TAP1: variants seen among roughly 807,000 people sequenced by gnomAD.
TAP1 encodes antigen peptide transporter 1.
Under a neutral mutation model 79.3 loss-of-function variants are expected in TAP1, and 56 were observed. The ratio of observed to expected loss-of-function variants is 0.71; its 90% CI spans 0.57 to 0.88. The LOEUF (loss-of-function observed/expected upper bound fraction) is 0.88. TAP1 is among the 40% of genes least tolerant of loss of function. TAP1 has a pLI of 0.00. For missense variants in TAP1, 737 were observed against 936.3 expected, an observed-to-expected ratio of 0.79 and a Z score of 2.78; for synonymous variants, 355 against 401.4, an observed-to-expected ratio of 0.88 and a Z score of 1.38.
At chr6:32,849,243 T>C (rs1364315634) in intron 5 of TAP1, 125 bp from the exon 6 acceptor site, 16 of 1,200,956 alleles carry the variant, frequency 1.3e-5, no homozygotes, top group Non-Finnish European at 1.8e-5. Flanking sequence ...GCAGGCTCAA[T>C]AGGCAGACAG....
intron 5 of TAP1, chr6:32,849,352 C>T (rs1770643508): frequency 1.6e-6 from 1 of 608,056 alleles, no homozygotes; most frequent in Non-Finnish European, 2.9e-6. Flanking sequence ...GTCTGGGGAG[C>T]ATTTTACTCT....
Position 32,847,015 on chromosome 6 carries a change from T to C in TAP1, c.2040+53A>G. ...GTTAGTAAAACTAACAGAAGATGTA[T>C]AAAAGAAGCAAGATTGGGTGGGATA... is the stretch of plus-strand genomic sequence containing the variant. On this transcript the variant is annotated intron_variant, in intron 10 of 10. Coordinates refer to ENST00000354258, the MANE Select transcript of TAP1 (RefSeq NM_000593.6). This position sits in a 1 kb window ranked among gnomAD's most constrained non-coding sequence, Gnocchi z 4.7. 3 of 1,605,816 alleles carry C rather than the reference T, an allele frequency of 1.9e-6. No individual in the cohort carries two copies. The highest frequency in any genetic ancestry group is 2.7e-5 in the African/African-American group (2 of 75,018).
At chr6:32,849,257 A>G in intron 5 of TAP1, 139 bp from the exon 6 acceptor site, 1 of 1,023,166 alleles carries the variant, frequency 9.8e-7, no homozygotes, top group South Asian at 1.4e-5. Context: ...CAGACAGGAG[A>G]ATGAACCAGA....
rs1385588226 is a variant in TAP1, at chr6:32,850,312, G to C, written c.1248+8C>G. ...CAAGGGAATGGGTATTCATCTTCAG[G>C]TGCTCACACTAGTGGTCCAGGAGTT... On this transcript the variant is annotated splice_region_variant and intron_variant, in intron 5 of 10. Transcript: ENST00000354258. This position sits in a 1 kb window ranked among gnomAD's most constrained non-coding sequence, Gnocchi z 5.5. 6.2e-7 allele frequency: 1 copy of C among 1,613,952 alleles called. No homozygotes were observed. Among genetic ancestry groups the C allele is most frequent in the East Asian group, 2.2e-5 (1 of 44,904 alleles).
rs374692255 is a variant in TAP1 at position 32,847,865 on chromosome 6, A to G, written c.1740+54T>C. 2 of 1,611,920 alleles carry G rather than the reference A, an allele frequency of 1.2e-6. No homozygotes were observed. The highest frequency in any genetic ancestry group is 8.5e-7 in the Non-Finnish European group (1 of 1,178,878). On this transcript the variant is annotated intron_variant, in intron 8 of 10. Coordinates refer to ENST00000354258, the MANE Select transcript of TAP1 (RefSeq NM_000593.6). This position sits in a 1 kb window ranked among gnomAD's most constrained non-coding sequence, Gnocchi z 4.7. ...CCCTCTTTCAGAGTGCTCAGTAAGA[A>G]TGCTCTTCGTATTTGATGCTCCCTG...
In TAP1 at chr6:32,851,680, CT is replaced by C. The variant is rs1466494010; in HGVS notation, c.844+428del. Among the ~76,000 whole-genome samples, 1 of 152,182 alleles carries C rather than the reference CT, an allele frequency of 6.6e-6. No individual in the cohort carries two copies. Among genetic ancestry groups the C allele is most frequent in the African/African-American group, 2.4e-5 (1 of 41,434 alleles). On this transcript the variant is annotated intron_variant, in intron 3 of 10. Coordinates refer to ENST00000354258, the MANE Select transcript of TAP1 (RefSeq NM_000593.6). This position sits in a 1 kb window ranked among gnomAD's most constrained non-coding sequence, Gnocchi z 4.8. ...CAAGTGTGTCTCTAGCCATATGTAACTGTGCAGTTTCAGCATTTAGGGTCTT... is the reference window on the plus strand; with the variant it reads ...CAAGTGTGTCTCTAGCCATATGTAACGTGCAGTTTCAGCATTTAGGGTCTT...
Position 32,847,197 on chromosome 6 carries a change from G to T in TAP1, c.1911C>A (p.Asp637Glu). The change falls in exon 10 of 11, where the codon GAC becomes GAA. Residue 637 changes from aspartate (D) to glutamate (E), a missense_variant. Physicochemically the swap from Asp to Glu is conservative, Grantham distance 45 (BLOSUM62 2). Around this residue, in one of 5 missense-constraint regions of TAP1, gnomAD observed 266 missense variants for 332.4 expected, o/e 0.80. Coordinates refer to ENST00000354258, the MANE Select transcript of TAP1 (RefSeq NM_000593.6). The surrounding 1 kb of genome is among the most constrained non-coding windows in gnomAD (Gnocchi z 4.7). ...CCCCTGACAGCTGGCTCCCAGCCTC[G>T]TCTACCTCTGCAGAGCAAAGGGCCA... ...GLPQGYDTEV[D>E]EAGSQLSGGQ... 6.2e-7 allele frequency: 1 copy of T among 1,611,886 alleles called. No homozygotes were observed.
Position 32,847,179 on chromosome 6 carries a change from C to T in TAP1, c.1929G>A (p.Leu643=), listed in dbSNP as rs763662766. 1.2e-6 allele frequency: 2 copies of T among 1,612,512 alleles called. No homozygotes were observed. The highest frequency in any genetic ancestry group is 8.5e-7 in the Non-Finnish European group (1 of 1,180,030). The change falls in exon 10 of 11, where the codon CTG becomes CTA. Residue 643 remains leucine (L), a synonymous_variant. Coordinates refer to ENST00000354258, the MANE Select transcript of TAP1 (RefSeq NM_000593.6). The surrounding 1 kb of genome is among the most constrained non-coding windows in gnomAD (Gnocchi z 4.7). ...CCACTGCCTGTCGCTGACCCCCTGA[C>T]AGCTGGCTCCCAGCCTCGTCTACCT... is the stretch of plus-strand genomic sequence containing the variant. ...DTEVDEAGSQ[L]SGGQRQAVAL...
Position 32,851,172 on chromosome 6 carries a change from G to A in TAP1, c.845-23C>T, listed in dbSNP as rs1415412519. The A allele has an allele frequency of 1.2e-5, 19 of 1,610,268 alleles. No homozygotes were observed. The highest frequency in any genetic ancestry group is 1.5e-5 in the Non-Finnish European group (18 of 1,177,844). On this transcript the variant is annotated intron_variant, in intron 3 of 10. Coordinates refer to ENST00000354258, the MANE Select transcript of TAP1 (RefSeq NM_000593.6). This position sits in a 1 kb window ranked among gnomAD's most constrained non-coding sequence, Gnocchi z 4.8. ...TACCTGCAGGGTTGGGGAGAAGAGA[G>A]TGAGGTGAATCAGACAGGTTCCAAG...
chr6:32,852,889 C>T lies in TAP1; in HGVS notation c.598+150G>A. On this transcript the variant is annotated intron_variant, in intron 1 of 10. Transcript: ENST00000354258. This position sits in a 1 kb window ranked among gnomAD's most constrained non-coding sequence, Gnocchi z 4.8. ...CGCCAGTCCAGTGCCGTTTCTTCTACACCGAAGTGGTGTTCCAAGACCCAC... is the reference window on the plus strand; with the variant it reads ...CGCCAGTCCAGTGCCGTTTCTTCTATACCGAAGTGGTGTTCCAAGACCCAC... The T allele has an allele frequency of 6.9e-7, 1 of 1,448,916 alleles. No homozygotes were observed. Among genetic ancestry groups the T allele is most frequent in the South Asian group, 1.4e-5 (1 of 70,602 alleles). 89.8% of individuals were successfully genotyped at this position (1,448,916 alleles called of 1,614,324 possible).
chr6:32,848,126 C>T (rs1369860155), intron 7 of TAP1, 34 bp from the exon 8 acceptor site: 3 of 1,565,120 alleles, frequency 1.9e-6, no homozygotes, highest in African/African-American at 2.7e-5. Flanking sequence ...TAAGAGGCTA[C>T]CAAGGCCTCT....
Position 32,847,779 on chromosome 6 carries a change from A to G in TAP1, c.1741-104T>C, listed in dbSNP as rs1770528772. On this transcript the variant is annotated intron_variant, in intron 8 of 10. Transcript: ENST00000354258. This position sits in a 1 kb window ranked among gnomAD's most constrained non-coding sequence, Gnocchi z 4.7. ...TTTATTGAGAACATGTCACAAAATC[A>G]TACTACCTCCCTCCTGACTACACCA... 1 of 1,564,518 alleles carries G rather than the reference A, an allele frequency of 6.4e-7. No homozygotes were observed. The highest frequency in any genetic ancestry group is 8.8e-7 in the Non-Finnish European group (1 of 1,137,836).
chr6:32,848,073 C>G lies in TAP1; in HGVS notation c.1586G>C (p.Arg529Pro). The G allele has an allele frequency of 6.2e-7, 1 of 1,609,400 alleles. No homozygotes were observed. The highest frequency in any genetic ancestry group is 8.5e-7 in the Non-Finnish European group (1 of 1,178,160). Reference sequence around the variant, plus strand: ...CACCAGCGCCGTCACCTCGCCAGGGCGTAGGGTGAATGTCAGCCCCTAGAG... The same window carrying G: ...CACCAGCGCCGTCACCTCGCCAGGGGGTAGGGTGAATGTCAGCCCCTAGAG... ...LVLQGLTFTLRPGEVTALVGP... is the reference protein window; with the variant it reads ...LVLQGLTFTLPPGEVTALVGP... Residue 529 changes from arginine to proline, a missense_variant, in exon 8 of 11, where the codon CGC (arginine) becomes CCC (proline). Physicochemically the swap from Arg to Pro is moderately radical, Grantham distance 103. This residue lies in a region of TAP1 where 266 missense variants were observed against 332.4 expected (regional missense o/e 0.80). Transcript: ENST00000354258.
rs1168191377 is a variant in TAP1, at chr6:32,845,660, C to G, written c.2166G>C (p.Glu722Asp). The G allele has an allele frequency of 1.2e-6, 2 of 1,612,956 alleles. No individual in the cohort carries two copies. Among genetic ancestry groups the G allele is most frequent in the African/African-American group, 1.3e-5 (1 of 74,916 alleles). ...ILFLEGGAIREGGTHQQLMEK... is the reference protein window; with the variant it reads ...ILFLEGGAIRDGGTHQQLMEK... ...CCATGAGCTGCTGGTGGGTTCCCCC[C>G]TCCCGGATAGCGCCTCCTTCCAGAA... Residue 722 changes from glutamate (E) to aspartate (D), a missense_variant, in exon 11 of 11, where the codon GAG (glutamate) becomes GAC (aspartate). Glu to Asp is a conservative substitution (Grantham distance 45). Transcript: ENST00000354258. The surrounding 1 kb of genome is among the most constrained non-coding windows in gnomAD (Gnocchi z 4.5).
chr6:32,850,405 T>C lies in TAP1; in HGVS notation c.1163A>G (p.Gln388Arg). ...TTCTTGCAGCTTTTCCCTAAACTTCTGGGCTTCGCCCTCCTCGTTGGCAAA... is the reference window on the plus strand; with the variant it reads ...TTCTTGCAGCTTTTCCCTAAACTTCCGGGCTTCGCCCTCCTCGTTGGCAAA... ...RSFANEEGEAQKFREKLQEIK... is the reference protein window; with the variant it reads ...RSFANEEGEARKFREKLQEIK... Residue 388 changes from glutamine to arginine, a missense_variant, in exon 5 of 11, where the codon CAG becomes CGG. By Grantham distance (43) the Gln-to-Arg change is conservative. Around this residue, in one of 5 missense-constraint regions of TAP1, gnomAD observed 406 missense variants for 477.2 expected, o/e 0.85. Coordinates refer to ENST00000354258, the MANE Select transcript of TAP1 (RefSeq NM_000593.6). The surrounding 1 kb of genome is among the most constrained non-coding windows in gnomAD (Gnocchi z 5.5). 1 of 1,614,278 alleles carries C rather than the reference T, an allele frequency of 6.2e-7. No homozygotes were observed. Among genetic ancestry groups the C allele is most frequent in the East Asian group, 2.2e-5 (1 of 44,886 alleles).
At position 32,845,865 on chromosome 6, in the gene TAP1, G is replaced by T; in HGVS notation, c.2041-80C>A. 1 of 1,213,418 alleles carries T rather than the reference G, an allele frequency of 8.2e-7. No individual in the cohort carries two copies. The highest frequency in any genetic ancestry group is 1.3e-5 in the South Asian group (1 of 79,706). 75.2% of individuals were successfully genotyped at this position (1,213,418 alleles called of 1,614,324 possible). On this transcript the variant is annotated intron_variant, in intron 10 of 10. Coordinates refer to ENST00000354258, the MANE Select transcript of TAP1 (RefSeq NM_000593.6). The surrounding 1 kb of genome is among the most constrained non-coding windows in gnomAD (Gnocchi z 4.5). The stretch of plus-strand genomic sequence containing the variant: ...CACCTGTGTTTCCAGGGCTGGGACT[G>T]ACCTCACAGGATCACTGCTGGCTCT...
At position 32,852,445 on chromosome 6, in the gene TAP1, C is replaced by T. The variant is rs1036744026; in HGVS notation, c.656G>A (p.Gly219Asp). ...GRLTDWILQD[G>D]SADTFTRNLT... Reference sequence around the variant, plus strand: ...GTTTCGAGTGAAGGTATCGGCTGAGCCATCTTGTAGAATCCAGTCAGTGAG... The same window carrying T: ...GTTTCGAGTGAAGGTATCGGCTGAGTCATCTTGTAGAATCCAGTCAGTGAG... Residue 219 changes from glycine to aspartate, a missense_variant, in exon 2 of 11, where the codon GGC becomes GAC. By Grantham distance (94) the Gly-to-Asp change is moderately conservative (BLOSUM62 -1). Around this residue, in one of 5 missense-constraint regions of TAP1, gnomAD observed 406 missense variants for 477.2 expected, o/e 0.85. Transcript: ENST00000354258. This position sits in a 1 kb window ranked among gnomAD's most constrained non-coding sequence, Gnocchi z 4.8. 6.2e-7 allele frequency: 1 copy of T among 1,613,014 alleles called. No homozygotes were observed. The highest frequency in any genetic ancestry group is 8.5e-7 in the Non-Finnish European group (1 of 1,180,020).
At position 32,847,144 on chromosome 6, in the gene TAP1, C is replaced by T. The variant is rs769612391; in HGVS notation, c.1964G>A (p.Arg655Gln). The change falls in exon 10 of 11, where the codon CGA (arginine) becomes CAA (glutamine). Residue 655 changes from arginine to glutamine, a missense_variant. Arg to Gln is a conservative substitution (Grantham distance 43). Coordinates refer to ENST00000354258, the MANE Select transcript of TAP1 (RefSeq NM_000593.6). This position sits in a 1 kb window ranked among gnomAD's most constrained non-coding sequence, Gnocchi z 4.7. ...GGQRQAVALA[R>Q]ALIRKPCVLI... ...TACACACGGTTTCCGGATCAATGCT[C>T]GGGCCAACGCCACTGCCTGTCGCTG... 9.9e-6 allele frequency: 16 copies of T among 1,612,776 alleles called. No homozygotes were observed. Among genetic ancestry groups the T allele is most frequent in the South Asian group, 2.2e-5 (2 of 91,090 alleles).
In TAP1 at chr6:32,845,250, G is replaced by C. The variant is rs1027186150; in HGVS notation, c.*329C>G. On this transcript the variant is annotated 3_prime_UTR_variant, in exon 11 of 11. Coordinates refer to ENST00000354258, the MANE Select transcript of TAP1 (RefSeq NM_000593.6). This position sits in a 1 kb window ranked among gnomAD's most constrained non-coding sequence, Gnocchi z 4.5. The stretch of plus-strand genomic sequence containing the variant: ...TATTATAAATATCAAGAACCTACAG[G>C]GTGTTTATGGGCCAGCATATGCCTT... The C allele has an allele frequency of 5.7e-5, 27 of 475,180 alleles. No homozygotes were observed. Among genetic ancestry groups the C allele is most frequent in the Non-Finnish European group, 7.7e-5 (20 of 260,274 alleles). 29.4% of individuals were successfully genotyped at this position (475,180 alleles called of 1,614,324 possible).
Sources: gnomAD v4.1 joint callset for allele counts (sites outside exome capture counted in the v4.1 genomes callset) on GRCh38, gnomAD v4.1.1 for gene constraint, gnomAD v4.1.1 regional missense constraint, Gnocchi (gnomAD v3.1) non-coding constraint, MANE v1.5 for transcripts, NCBI Gene and HGNC (gene_info 2026-07-23, HGNC 2026-07-21) for gene names.